The following CA10 variants were observed in gnomAD, a reference collection of about 807,000 sequenced individuals.
CA10 encodes carbonic anhydrase 10 (inactive).
In CA10, 14 loss-of-function variants were observed where a neutral mutation model predicts 44.2. The observed-to-expected ratio is 0.32, with a 90% CI of 0.21 to 0.50. The LOEUF (loss-of-function observed/expected upper bound fraction) is 0.50. Among genes scored for constraint, CA10 ranks in the 20% least tolerant of loss-of-function variants. The pLI is 0.99. For missense variants in CA10, 350 were observed against 409.7 expected, an observed-to-expected ratio of 0.85 and a Z score of 1.26; for synonymous variants, 159 against 141.6, an observed-to-expected ratio of 1.12 and a Z score of -0.87.
intron 3 of CA10, among the ~76,000 whole-genome samples, chr17:51,849,233 GTATATATATATATATATATATA>G (rs1217693250): frequency 1.0e-4 from 4 of 39,898 alleles, no homozygotes; most frequent in Admixed American, 9.7e-4. Flanking sequence ...ATATGTGTGT[GTATATATATATATATATATATA>G]TATATATATA....
At chr17:52,033,828 G>A (rs1439044253) in intron 2 of CA10, among the ~76,000 whole-genome samples, 1 of 152,158 alleles carries the variant, frequency 6.6e-6, no homozygotes, top group Non-Finnish European at 1.5e-5. Flanking sequence ...AATAGGGTTT[G>A]CACTCCTAAG....
intron 3 of CA10, among the ~76,000 whole-genome samples, chr17:51,886,610 C>T (rs1240039699): frequency 6.6e-6 from 1 of 152,150 alleles, no homozygotes; most frequent in East Asian, 1.9e-4. Context: ...TTTTATGTGT[C>T]AACATGACTG....
chr17:51,668,249 A>G (rs1914279153), intron 4 of CA10, among the ~76,000 whole-genome samples: 1 of 152,226 alleles, frequency 6.6e-6, no homozygotes, highest in Non-Finnish European at 1.5e-5. Flanking sequence ...ATGCCATGCC[A>G]GCTACTGTAC....
intron 2 of CA10, among the ~76,000 whole-genome samples, chr17:52,028,094 G>A (rs1250396299): frequency 6.6e-6 from 1 of 152,158 alleles, no homozygotes; most frequent in African/African-American, 2.4e-5. Context: ...CCCAGGGATA[G>A]TAAGATAAAT....
At chr17:51,750,959 G>T (rs1904870807) in intron 3 of CA10, among the ~76,000 whole-genome samples, 1 of 152,192 alleles carries the variant, frequency 6.6e-6, no homozygotes, top group African/African-American at 2.4e-5. Context: ...GAAACACACT[G>T]GCACAAGTAG....
intron 2 of CA10, among the ~76,000 whole-genome samples, chr17:51,936,974 T>C (rs1019845780): frequency 1.3e-5 from 2 of 152,148 alleles, no homozygotes; most frequent in Non-Finnish European, 2.9e-5. Flanking sequence ...AATAAAATCG[T>C]GTTTTCCTAG....
intron 4 of CA10, among the ~76,000 whole-genome samples, chr17:51,721,685 A>C (rs1223275961): frequency 6.6e-6 from 1 of 152,010 alleles, no homozygotes; most frequent in Admixed American, 6.5e-5. Flanking sequence ...AATCCTATCC[A>C]TCTGGTGAGG....
At chr17:51,966,267 A>T (rs866858562) in intron 2 of CA10, among the ~76,000 whole-genome samples, 2 of 152,030 alleles carry the variant, frequency 1.3e-5, no homozygotes, top group South Asian at 2.1e-4. Flanking sequence ...CAATATTTTT[A>T]AAATGGCCAT....
intron 3 of CA10, among the ~76,000 whole-genome samples, chr17:51,860,508 T>A (rs1979255821): frequency 6.6e-6 from 1 of 152,196 alleles, no homozygotes; most frequent in Admixed American, 6.5e-5. Flanking sequence ...TATGCAAGAA[T>A]AACTGGAGGA....
At chr17:52,018,285 C>T (rs900972481) in intron 2 of CA10, among the ~76,000 whole-genome samples, 2 of 152,132 alleles carry the variant, frequency 1.3e-5, no homozygotes, top group African/African-American at 2.4e-5. Context: ...GAGCCACTGA[C>T]AGCTTATGCC....
At chr17:52,006,439 A>G (rs1271441601) in intron 2 of CA10, among the ~76,000 whole-genome samples, 2 of 151,886 alleles carry the variant, frequency 1.3e-5, no homozygotes, top group Non-Finnish European at 2.9e-5. Context: ...GTTAACACTT[A>G]CCATTCTTTC....
chr17:51,637,630 A>C (rs1200515840), intron 6 of CA10, among the ~76,000 whole-genome samples: 1 of 152,240 alleles, frequency 6.6e-6, no homozygotes, highest in Non-Finnish European at 1.5e-5. Flanking sequence ...CATATATGGT[A>C]AAGGAAGACT....
chr17:52,027,831 A>G (rs1225837815), intron 2 of CA10, among the ~76,000 whole-genome samples: 1 of 152,200 alleles, frequency 6.6e-6, no homozygotes, highest in African/African-American at 2.4e-5. Context: ...ATTTGTCCAC[A>G]GTGACACAGT....
At position 52,008,090 on chromosome 17, in the gene CA10, T is replaced by C. The variant is rs1985663306; in HGVS notation, c.136+64229A>G. On this transcript the variant is annotated intron_variant, in intron 2 of 8. Coordinates refer to ENST00000451037, the MANE Select transcript of CA10 (RefSeq NM_020178.5). ...CTTTTTTCTTAATCAGTCTTGCTAA[T>C]TTATTCTTTAATACAATCAGTTTTA... 2.0e-5 allele frequency among the ~76,000 whole-genome samples: 3 copies of C among 151,768 alleles called. No individual in the cohort carries two copies. The South Asian group carries it at 6.2e-4, about 31-fold the overall frequency.
chr17:52,127,098 T>C (rs1989135687), intron 1 of CA10, among the ~76,000 whole-genome samples: 1 of 152,220 alleles, frequency 6.6e-6, no homozygotes, highest in Non-Finnish European at 1.5e-5. Context: ...TCCCTCATCA[T>C]AACCTTACCC....
chr17:52,083,196 T>A (rs1332424567), intron 1 of CA10, among the ~76,000 whole-genome samples: 1 of 152,154 alleles, frequency 6.6e-6, no homozygotes, highest in Non-Finnish European at 1.5e-5. Flanking sequence ...TAAAACTTTC[T>A]ATTACAGCTG....
intron 3 of CA10, among the ~76,000 whole-genome samples, chr17:51,773,027 C>T (rs544393175): frequency 5.3e-5 from 8 of 152,300 alleles, no homozygotes; most frequent in African/African-American, 1.9e-4. Context: ...ATCCCTACCA[C>T]CAGGCCATAA....
At chr17:51,828,464 C>A (rs1400136796) in intron 3 of CA10, among the ~76,000 whole-genome samples, 3 of 152,078 alleles carry the variant, frequency 2.0e-5, no homozygotes, top group Non-Finnish European at 4.4e-5. Flanking sequence ...GGGTCAGAGA[C>A]CTTAATGTAT....
At chr17:51,897,049 T>G (rs1466364706) in intron 3 of CA10, among the ~76,000 whole-genome samples, 1 of 152,192 alleles carries the variant, frequency 6.6e-6, no homozygotes, top group Non-Finnish European at 1.5e-5. Context: ...TAGTTTCTTT[T>G]GCTGTTTAGA....
Sources: allele counts gnomAD v4.1 joint callset (sites outside exome capture counted in the v4.1 genomes callset), GRCh38; gene constraint gnomAD v4.1.1; transcripts MANE v1.5; gene names NCBI Gene and HGNC (gene_info 2026-07-23, HGNC 2026-07-21).